ENPP2: variants seen among roughly 807,000 people sequenced by gnomAD.
ENPP2 encodes ectonucleotide pyrophosphatase/phosphodiesterase 2.
In ENPP2, 51 loss-of-function variants were observed where a neutral mutation model predicts 120.2. That is an observed-to-expected ratio of 0.42 (90% confidence interval 0.34 to 0.54). The LOEUF is 0.54. Ranked by LOEUF, ENPP2 falls within the 20% of genes least tolerant of loss-of-function variation. The pLI, the probability that ENPP2 is intolerant of heterozygous loss-of-function variation, is 0.04. For synonymous variants in ENPP2, 365 were observed against 366.4 expected (o/e 1.00, Z 0.04); for missense variants, 920 against 1,066.5 (o/e 0.86, Z 1.91).
At chr8:119,663,194 C>T (rs928005579) in intron 1 of ENPP2, among the ~76,000 whole-genome samples, 1 of 151,654 alleles carries the variant, frequency 6.6e-6, no homozygotes, top group Non-Finnish European at 1.5e-5. Flanking sequence ...GTGGTTCCCA[C>T]GAGATGAGCA....
At chr8:119,579,898 G>A (rs1044341157) in intron 19 of ENPP2, among the ~76,000 whole-genome samples, 1 of 152,088 alleles carries the variant, frequency 6.6e-6, no homozygotes, top group Non-Finnish European at 1.5e-5. Flanking sequence ...AGCTATTGAG[G>A]GGGGAGAAAA....
chr8:119,613,928 T>C (rs1815283748), intron 8 of ENPP2, among the ~76,000 whole-genome samples: 1 of 152,152 alleles, frequency 6.6e-6, no homozygotes, highest in Non-Finnish European at 1.5e-5. Context: ...TTATTTGCTA[T>C]AGTCACCCTA....
Position 119,562,837 on chromosome 8 carries a change from G to T in ENPP2, c.2421+20C>A, listed in dbSNP as rs1449191966. 2.5e-6 allele frequency: 4 copies of T among 1,609,924 alleles called. No homozygotes were observed. In the African/African-American group the frequency reaches 4.0e-5, roughly 16 times the overall value. ...TGAACTATGGAAGCAAATCCTAAAG[G>T]ACTCTCTCTGTAAACTCACATTGCA... On this transcript the variant is annotated intron_variant, in intron 24 of 24. Transcript: ENST00000075322.
At chr8:119,586,988 T>C (rs1813156341) in intron 14 of ENPP2, 56 bp downstream of exon 14, 1 of 1,533,566 alleles carries the variant, frequency 6.5e-7, no homozygotes. Flanking sequence ...GGAGGGAGGC[T>C]GCTCCAGGGG....
intron 8 of ENPP2, among the ~76,000 whole-genome samples, chr8:119,612,798 G>A (rs565918920): frequency 6.6e-6 from 1 of 152,288 alleles, no homozygotes; most frequent in Non-Finnish European, 1.5e-5. Flanking sequence ...GCTGAGGTGG[G>A]AGTGTTGCTT....
chr8:119,607,227 G>A (rs76732710), intron 9 of ENPP2, among the ~76,000 whole-genome samples: 3,795 of 152,148 alleles, frequency 0.025, 159 homozygotes, highest in African/African-American at 0.085. Flanking sequence ...ATAATATGTT[G>A]TCATATATTT....
At chr8:119,641,317 G>GA (rs35551866), upstream of ENPP2, among the ~76,000 whole-genome samples, 29,289 of 138,954 alleles carry the variant, frequency 0.21, 3,231 homozygotes, top group East Asian at 0.5. Context: ...ACCTAAAGCT[G>GA]AAAAAAAAAA....
chr8:119,668,416 T>C (rs1055559837), intron 1 of ENPP2, among the ~76,000 whole-genome samples: 7 of 145,050 alleles, frequency 4.8e-5, no homozygotes, highest in Non-Finnish European at 8.9e-5. Context: ...TTTTTCTTTT[T>C]CTTTTTCTTT....
At chr8:119,588,025 T>C (rs1307293508) in intron 13 of ENPP2, among the ~76,000 whole-genome samples, 2 of 152,188 alleles carry the variant, frequency 1.3e-5, no homozygotes, top group African/African-American at 4.8e-5. Context: ...TATTTGTTCA[T>C]ATTTGTTAAA....
rs34249912 is a variant in ENPP2, at chr8:119,585,927, G to GACAC, written c.1367+255_1367+258dup. On this transcript the variant is annotated intron_variant, in intron 15 of 24. Coordinates refer to ENST00000075322, the MANE Select transcript of ENPP2 (RefSeq NM_001040092.3). ...GAATGTAAATTCAAAGGATGAAAGAGACACACACACACACACACACACACA... is the reference window on the plus strand; with the variant it reads ...GAATGTAAATTCAAAGGATGAAAGAGACACACACACACACACACACACACACACA... Among the ~76,000 whole-genome samples the GACAC allele has an allele frequency of 5.7e-3, 840 of 146,316 alleles. 6 individuals are homozygous for GACAC. The highest frequency in any genetic ancestry group is 0.016 in the African/African-American group (650 of 40,100).
At chr8:119,629,944 C>T (rs1010236212) in intron 2 of ENPP2, among the ~76,000 whole-genome samples, 38 of 152,102 alleles carry the variant, frequency 2.5e-4, no homozygotes, top group African/African-American at 6.8e-4. Context: ...AGAATTCATT[C>T]CCACGAGCTG....
At chr8:119,584,270 A>G (rs1812953043) in intron 15 of ENPP2, among the ~76,000 whole-genome samples, 1 of 152,148 alleles carries the variant, frequency 6.6e-6, no homozygotes, top group Admixed American at 6.5e-5. Context: ...CTGTGAACTG[A>G]AGTCACGATG....
chr8:119,647,950 A>G (rs370558685), intron 1 of ENPP2, among the ~76,000 whole-genome samples: 2 of 152,284 alleles, frequency 1.3e-5, no homozygotes, highest in East Asian at 3.9e-4. Flanking sequence ...GGTTGCAGTG[A>G]GCCAAGATCA....
chr8:119,626,561 G>T lies in ENPP2; in HGVS notation c.292+4C>A. 2 of 1,612,918 alleles carry T rather than the reference G, an allele frequency of 1.2e-6. No homozygotes were observed. Among genetic ancestry groups the T allele is most frequent in the South Asian group, 1.1e-5 (1 of 91,014 alleles). ...AAGGTAGAGAGGACTCATAAGTTAC[G>T]TACCTGTCTTCAAACACAGCTCATC... On this transcript the variant is annotated splice_donor_region_variant and intron_variant, in intron 3 of 24. Coordinates refer to ENST00000075322, the MANE Select transcript of ENPP2 (RefSeq NM_001040092.3).
At chr8:119,662,790 A>C (rs1817958258) in intron 1 of ENPP2, among the ~76,000 whole-genome samples, 1 of 152,174 alleles carries the variant, frequency 6.6e-6, no homozygotes, top group East Asian at 1.9e-4. Context: ...TGGGCTTTGC[A>C]TGACCCCTAG....
At chr8:119,597,713 A>T (rs369365376) in intron 11 of ENPP2, among the ~76,000 whole-genome samples, 6 of 152,190 alleles carry the variant, frequency 3.9e-5, no homozygotes, top group African/African-American at 1.4e-4. Context: ...AAAGAAAAAG[A>T]TTGCGCCAAT....
chr8:119,638,631 C>T (rs935934547), intron 1 of ENPP2, 104 bp from the exon 2 acceptor site: 6 of 996,894 alleles, frequency 6.0e-6, no homozygotes, highest in Non-Finnish European at 9.7e-6. Flanking sequence ...CCAATCCTAC[C>T]ACTTCCAAAA....
chr8:119,572,085 A>T, intron 19 of ENPP2: 1 of 821,006 alleles, frequency 1.2e-6, no homozygotes, highest in Non-Finnish European at 2.0e-6. Flanking sequence ...TAAATGAAAT[A>T]TAATAAACAA....
chr8:119,651,290 A>G (rs1303354474), intron 1 of ENPP2, among the ~76,000 whole-genome samples: 1 of 152,248 alleles, frequency 6.6e-6, no homozygotes, highest in East Asian at 1.9e-4. Context: ...ACATAGTACC[A>G]CATTTGACAT....
Sources: gnomAD v4.1 joint callset for allele counts (sites outside exome capture counted in the v4.1 genomes callset) on GRCh38, gnomAD v4.1.1 for gene constraint, MANE v1.5 for transcripts, NCBI Gene and HGNC (gene_info 2026-07-23, HGNC 2026-07-21) for gene names.